Variants in ZDHHC21 observed in about 807,000 individuals in gnomAD.
ZDHHC21 encodes the protein palmitoyltransferase ZDHHC21.
Under a neutral mutation model 34.6 loss-of-function variants are expected in ZDHHC21, and 15 were observed. The observed-to-expected ratio is 0.43, with a 90% CI of 0.29 to 0.67. ZDHHC21 has a LOEUF of 0.67. Ranked by LOEUF, ZDHHC21 falls within the 30% of genes least tolerant of loss-of-function variation. The pLI, the probability that ZDHHC21 is intolerant of heterozygous loss-of-function variation, is 0.14. For missense variants in ZDHHC21, 344 were observed against 327.7 expected, an observed-to-expected ratio of 1.05 and a Z score of -0.38; for synonymous variants, 142 against 101.8, an observed-to-expected ratio of 1.40 and a Z score of -2.38.
At chr9:14,634,003 C>G (rs1301182486) in intron 8 of ZDHHC21, among the ~76,000 whole-genome samples, 2 of 152,174 alleles carry the variant, frequency 1.3e-5, no homozygotes, top group Non-Finnish European at 2.9e-5. Flanking sequence ...TCCCCAACCC[C>G]AAACACCAGT....
rs1334120705 is a variant in ZDHHC21 at position 14,690,339 on chromosome 9, G to T, written c.-178C>A. ...CCATAAGAAAAATCTCTCCTCACCT[G>T]CTTGCTGAAGCTGAAAATCCTGCAG... On this transcript the variant is annotated splice_region_variant and 5_prime_UTR_variant, in exon 2 of 10. Coordinates refer to ENST00000380916, the MANE Select transcript of ZDHHC21 (RefSeq NM_178566.6). 1 of 456,348 alleles carries T rather than the reference G, an allele frequency of 2.2e-6. No individual in the cohort carries two copies. The highest frequency in any genetic ancestry group is 4.4e-6 in the Non-Finnish European group (1 of 226,868). 28.3% of individuals were successfully genotyped at this position (456,348 alleles called of 1,614,324 possible). A position where few individuals can be genotyped will look rare whatever the true frequency, so the allele number is the denominator to read the frequency against.
At chr9:14,677,729 T>C (rs1358843945) in intron 3 of ZDHHC21, among the ~76,000 whole-genome samples, 1 of 152,112 alleles carries the variant, frequency 6.6e-6, no homozygotes, top group African/African-American at 2.4e-5. Flanking sequence ...GCACAAACTT[T>C]AAAAACAATT....
chr9:14,656,430 A>G (rs1248304459), intron 7 of ZDHHC21, among the ~76,000 whole-genome samples: 1 of 151,946 alleles, frequency 6.6e-6, no homozygotes, highest in Admixed American at 6.5e-5. Flanking sequence ...AATATGTATG[A>G]ATTACTTCAT....
At chr9:14,605,857 C>G in the ZDHHC21 span, among the ~76,000 whole-genome samples, 1 of 151,984 alleles carries the variant, frequency 6.6e-6, no homozygotes, top group Non-Finnish European at 1.5e-5. Context: ...AATTTAGTTT[C>G]TCACTATACA....
intron 8 of ZDHHC21, among the ~76,000 whole-genome samples, chr9:14,635,648 T>A (rs891094573): frequency 1.3e-5 from 2 of 152,192 alleles, no homozygotes; most frequent in African/African-American, 4.8e-5. Context: ...GACTTTATCA[T>A]CCCTAGACTG....
At chr9:14,690,530 C>T (rs1230434200) in intron 1 of ZDHHC21, 145 bp from the exon 2 acceptor site, 5 of 367,046 alleles carry the variant, frequency 1.4e-5, no homozygotes, top group Non-Finnish European at 2.6e-5. Context: ...AGGGGCAACA[C>T]ATCGGTTAAG....
rs201779857 is a variant in ZDHHC21 at position 14,616,085 on chromosome 9, C to G, written c.*2881G>C. 2.0e-5 allele frequency: 3 copies of G among 151,366 alleles called. No individual in the cohort carries two copies. The highest frequency in any genetic ancestry group is 4.1e-4 in the South Asian group (2 of 4,824). The allele number at this position is 151,366 out of a possible 1,614,324, so 9.4% of individuals were successfully genotyped here. A position where few individuals can be genotyped will look rare whatever the true frequency, so the allele number is the denominator to read the frequency against. ...CATTAATCTCTTAGTTATTTTAAGG[C>G]AATAGAGCCAGTAAAAAAATCATTT... On this transcript the variant is annotated 3_prime_UTR_variant, in exon 10 of 10. Coordinates refer to ENST00000380916, the MANE Select transcript of ZDHHC21 (RefSeq NM_178566.6).
Position 14,619,521 on chromosome 9 carries a change from C to A in ZDHHC21, c.665+118G>T, listed in dbSNP as rs1022712555. ...TAGCTTGCCTAGCACAGGCCTCAGA[C>A]AATGCACCAAGAAAAAGCCATCATT... is the stretch of plus-strand genomic sequence containing the variant. On this transcript the variant is annotated intron_variant, in intron 9 of 9. Transcript: ENST00000380916. 7 of 864,534 alleles carry A rather than the reference C, an allele frequency of 8.1e-6. No individual in the cohort carries two copies. In the African/African-American group the frequency reaches 1.2e-4, roughly 15 times the overall value. The allele number at this position is 864,534 out of a possible 1,614,324, so 53.6% of individuals were successfully genotyped here. A position where few individuals can be genotyped will look rare whatever the true frequency, so the allele number is the denominator to read the frequency against.
chr9:14,650,524 T>C (rs1831059092), intron 7 of ZDHHC21, among the ~76,000 whole-genome samples: 1 of 151,958 alleles, frequency 6.6e-6, no homozygotes, highest in African/African-American at 2.4e-5. Context: ...ATAAAAGTTA[T>C]TATTAAGGCT....
At chr9:14,690,506 T>C (rs1771247625) in intron 1 of ZDHHC21, 121 bp from the exon 2 acceptor site, 2 of 375,080 alleles carry the variant, frequency 5.3e-6, no homozygotes, top group Non-Finnish European at 1.0e-5. Flanking sequence ...TTACCCAACC[T>C]GCCCTTTTGT....
At chr9:14,650,125 A>T (rs929770857) in intron 7 of ZDHHC21, among the ~76,000 whole-genome samples, 5 of 152,032 alleles carry the variant, frequency 3.3e-5, no homozygotes, top group Non-Finnish European at 7.4e-5. Flanking sequence ...AAGATTTATT[A>T]TAAGGTTTCT....
chr9:14,644,547 G>A (rs1349658753), intron 7 of ZDHHC21, among the ~76,000 whole-genome samples: 1 of 151,774 alleles, frequency 6.6e-6, no homozygotes, highest in Non-Finnish European at 1.5e-5. Context: ...CCATTTATCT[G>A]ATTATGAAAG....
intron 1 of ZDHHC21, 150 bp from the exon 2 acceptor site, chr9:14,690,535 G>A: frequency 2.9e-6 from 1 of 348,092 alleles, no homozygotes. Context: ...CAACACATCG[G>A]TTAAGAGAGT....
intron 8 of ZDHHC21, among the ~76,000 whole-genome samples, chr9:14,634,167 C>T (rs1296677981): frequency 6.6e-6 from 1 of 152,190 alleles, no homozygotes; most frequent in Non-Finnish European, 1.5e-5. Flanking sequence ...CTACTACCAC[C>T]ACAGCTGGCA....
Position 14,616,712 on chromosome 9 carries a change from A to T in ZDHHC21, c.*2254T>A, listed in dbSNP as rs764071054. The T allele has an allele frequency of 3.3e-5, 5 of 151,872 alleles. No individual in the cohort carries two copies. Among genetic ancestry groups the T allele is most frequent in the Non-Finnish European group, 7.4e-5 (5 of 67,832 alleles). The allele number at this position is 151,872 out of a possible 1,614,324, so 9.4% of individuals were successfully genotyped here. On this transcript the variant is annotated 3_prime_UTR_variant, in exon 10 of 10. Coordinates refer to ENST00000380916, the MANE Select transcript of ZDHHC21 (RefSeq NM_178566.6). Reference sequence around the variant, plus strand: ...TACTGAAAGTTACAGTGTTAAGTATATATAGATATACTGTAATATACATTC... The same window carrying T: ...TACTGAAAGTTACAGTGTTAAGTATTTATAGATATACTGTAATATACATTC...
At chr9:14,646,606 C>A (rs1294936675) in intron 7 of ZDHHC21, among the ~76,000 whole-genome samples, 1 of 152,042 alleles carries the variant, frequency 6.6e-6, no homozygotes, top group Non-Finnish European at 1.5e-5. Flanking sequence ...ACACTGACCT[C>A]CTTGCTATTT....
At chr9:14,641,588 C>A (rs2133727064) in intron 7 of ZDHHC21, among the ~76,000 whole-genome samples, 1 of 152,154 alleles carries the variant, frequency 6.6e-6, no homozygotes, top group Admixed American at 6.5e-5. Flanking sequence ...ACACACTCAC[C>A]CGTCAAACAT....
At chr9:14,620,812 A>C (rs1825176388) in intron 8 of ZDHHC21, among the ~76,000 whole-genome samples, 1 of 152,044 alleles carries the variant, frequency 6.6e-6, no homozygotes, top group African/African-American at 2.4e-5. Flanking sequence ...AACCAACAAC[A>C]TAGTTTCATT....
chr9:14,672,725 G>A (rs1329153103), intron 5 of ZDHHC21, 105 bp downstream of exon 5: 22 of 713,648 alleles, frequency 3.1e-5, no homozygotes, highest in Non-Finnish European at 2.2e-6. Context: ...CATCAAAGTG[G>A]TGTTAGATGA....
Sources: allele counts gnomAD v4.1 joint callset (sites outside exome capture counted in the v4.1 genomes callset), GRCh38; gene constraint gnomAD v4.1.1; transcripts MANE v1.5; gene names NCBI Gene and HGNC (gene_info 2026-07-23, HGNC 2026-07-21).